DPP10: variants seen among roughly 807,000 people sequenced by gnomAD.
DPP10 encodes the protein dipeptidyl peptidase like 10.
DPP10 carries 33 observed loss-of-function variants against 120.9 expected under a neutral mutation model. The ratio of observed to expected loss-of-function variants is 0.27; its 90% CI spans 0.21 to 0.37. The LOEUF is 0.37. Ranked by LOEUF, DPP10 falls within the 10% of genes least tolerant of loss-of-function variation. The pLI, the probability that DPP10 is intolerant of heterozygous loss-of-function variation, is 1.00. For missense variants in DPP10, 816 were observed against 942.8 expected (o/e 0.87, Z 1.76); for synonymous variants, 337 against 326.1 (o/e 1.03, Z -0.36).
intron 3 of DPP10, among the ~76,000 whole-genome samples, chr2:115,386,217 C>T (rs967404531): frequency 6.6e-6 from 1 of 152,016 alleles, no homozygotes; most frequent in Non-Finnish European, 1.5e-5. Context: ...GTTTCCTCTG[C>T]CCCAAGTCAA....
chr2:114,666,339 T>A (rs1054089634), intron 1 of DPP10, among the ~76,000 whole-genome samples: 3 of 152,220 alleles, frequency 2.0e-5, no homozygotes, highest in Non-Finnish European at 4.4e-5. Flanking sequence ...CATTCTATTT[T>A]ATTTCTAACA....
chr2:114,838,252 A>G (rs896560871), intron 1 of DPP10, among the ~76,000 whole-genome samples: 1 of 152,138 alleles, frequency 6.6e-6, no homozygotes. Flanking sequence ...CTAATAGCAT[A>G]TGCCACAGAT....
intron 17 of DPP10, among the ~76,000 whole-genome samples, chr2:115,784,278 G>A (rs1375002488): frequency 6.6e-6 from 1 of 152,082 alleles, no homozygotes; most frequent in African/African-American, 2.4e-5. Context: ...ATATACCAAT[G>A]AGTAAGTCAT....
chr2:114,717,293 T>G (rs1446224554), intron 1 of DPP10, among the ~76,000 whole-genome samples: 1 of 152,216 alleles, frequency 6.6e-6, no homozygotes, highest in African/African-American at 2.4e-5. Flanking sequence ...TCTCAGAGAC[T>G]GTTTTGTGAT....
chr2:115,486,041 G>C (rs1191741453), intron 3 of DPP10, among the ~76,000 whole-genome samples: 1 of 152,012 alleles, frequency 6.6e-6, no homozygotes, highest in Non-Finnish European at 1.5e-5. Flanking sequence ...TATTTTATAA[G>C]GGAACATATT....
intron 1 of DPP10, among the ~76,000 whole-genome samples, chr2:114,505,051 C>CAAAAAAAAAAAAA (rs3061538): frequency 2.2e-5 from 1 of 44,896 alleles, no homozygotes; most frequent in Non-Finnish European, 4.5e-5. Flanking sequence ...GACTCTGTCT[C>CAAAAAAAAAAAAA]AAAAAAAAAA....
At chr2:115,613,897 T>C (rs983006332) in intron 5 of DPP10, among the ~76,000 whole-genome samples, 19 of 152,170 alleles carry the variant, frequency 1.2e-4, no homozygotes, top group African/African-American at 4.3e-4. Context: ...TTGAATCCTT[T>C]GGGGAGCACT....
At chr2:114,893,678 A>T (rs1692728462) in intron 1 of DPP10, among the ~76,000 whole-genome samples, 1 of 152,196 alleles carries the variant, frequency 6.6e-6, no homozygotes. Context: ...TTTACTTCAT[A>T]GAAATAACCA....
intron 1 of DPP10, among the ~76,000 whole-genome samples, chr2:114,749,567 T>TATTTTATTTTATTTTATTTTATTTC (rs1558700477): frequency 1.6e-3 from 236 of 146,342 alleles, no homozygotes; most frequent in African/African-American, 5.7e-3. Context: ...TATTTTATTT[T>TATTTTATTTTATTTTATTTTATTTC]ATTTTATTTT....
At chr2:114,651,278 G>A (rs1199261330) in intron 1 of DPP10, among the ~76,000 whole-genome samples, 2 of 152,184 alleles carry the variant, frequency 1.3e-5, no homozygotes, top group African/African-American at 4.8e-5. Context: ...CTGCCCATAT[G>A]TTCAAGGTAT....
At chr2:115,188,998 T>C (rs992054741) in intron 1 of DPP10, among the ~76,000 whole-genome samples, 8 of 152,212 alleles carry the variant, frequency 5.3e-5, no homozygotes, top group African/African-American at 1.9e-4. Context: ...CTATACTAAA[T>C]TTTCATCATT....
At chr2:114,566,875 G>C (rs1310387067) in intron 1 of DPP10, among the ~76,000 whole-genome samples, 1 of 152,206 alleles carries the variant, frequency 6.6e-6, no homozygotes, top group Admixed American at 6.5e-5. Context: ...AGATTTGTAA[G>C]ATCCCTCCAA....
intron 1 of DPP10, among the ~76,000 whole-genome samples, chr2:114,892,313 C>G (rs1405602578): frequency 6.6e-6 from 1 of 152,150 alleles, no homozygotes; most frequent in Non-Finnish European, 1.5e-5. Context: ...CTCTGCTACC[C>G]CTCCTCCTGG....
At chr2:115,309,478 A>G in intron 2 of DPP10, 125 bp downstream of exon 2, 5 of 772,416 alleles carry the variant, frequency 6.5e-6, no homozygotes, top group African/African-American at 1.8e-5. Flanking sequence ...TGGAATTTGG[A>G]AAAAAAGCAT....
At chr2:115,103,256 C>A (rs1419774376) in intron 1 of DPP10, among the ~76,000 whole-genome samples, 1 of 145,266 alleles carries the variant, frequency 6.9e-6, no homozygotes, top group South Asian at 2.2e-4. Context: ...GGCGCAATCT[C>A]GGCTCACTGC....
chr2:114,670,299 G>A (rs1698238215), intron 1 of DPP10, among the ~76,000 whole-genome samples: 3 of 152,184 alleles, frequency 2.0e-5, no homozygotes, highest in Admixed American at 2.0e-4. Context: ...GACAATGATA[G>A]ACTGGATTAA....
intron 1 of DPP10, among the ~76,000 whole-genome samples, chr2:114,663,358 A>G (rs532754918): frequency 6.6e-6 from 1 of 150,418 alleles, no homozygotes; most frequent in South Asian, 2.1e-4. Flanking sequence ...TTATCCGATG[A>G]CTGGCAGTTA....
At chr2:114,891,012 G>A (rs1247307038) in intron 1 of DPP10, among the ~76,000 whole-genome samples, 2 of 152,146 alleles carry the variant, frequency 1.3e-5, no homozygotes, top group East Asian at 1.9e-4. Context: ...TCAGCTGCCA[G>A]CAGTTCTGGA....
At chr2:115,780,783 C>T in intron 15 of DPP10, 91 bp from the exon 16 acceptor site, 1 of 1,257,836 alleles carries the variant, frequency 8.0e-7, no homozygotes, top group Non-Finnish European at 1.1e-6. Flanking sequence ...ATGTAACTCC[C>T]TTGTTTATAT....
Sources: gnomAD v4.1 joint callset for allele counts (sites outside exome capture counted in the v4.1 genomes callset) on GRCh38, gnomAD v4.1.1 for gene constraint, MANE v1.5 for transcripts, NCBI Gene and HGNC (gene_info 2026-07-23, HGNC 2026-07-21) for gene names.